SGCZ: variants seen among roughly 807,000 people sequenced by gnomAD.
The protein encoded by SGCZ is sarcoglycan zeta, also known as zeta-sarcoglycan.
A neutral mutation model predicts 41.3 loss-of-function variants in SGCZ; 40 were observed. That is an observed-to-expected ratio of 0.97 (90% CI 0.75 to 1.26). The LOEUF (loss-of-function observed/expected upper bound fraction) is 1.26. SGCZ is among the 50% of genes most tolerant of loss of function. The pLI is 0.00. For synonymous variants in SGCZ, 206 were observed against 137.5 expected, an observed-to-expected ratio of 1.50 and a Z score of -3.49; for missense variants, 552 against 369.8, an observed-to-expected ratio of 1.49 and a Z score of -4.04.
At chr8:14,369,500 G>A (rs986563479) in intron 2 of SGCZ, among the ~76,000 whole-genome samples, 4 of 151,956 alleles carry the variant, frequency 2.6e-5, no homozygotes, top group South Asian at 2.1e-4. Context: ...CATTAATGAG[G>A]TTAACTTTTT....
chr8:15,175,899 A>C (rs1413053864), intron 1 of SGCZ, among the ~76,000 whole-genome samples: 1 of 152,148 alleles, frequency 6.6e-6, no homozygotes, highest in Non-Finnish European at 1.5e-5. Flanking sequence ...TAGGAACAGA[A>C]AGCAGTCAAG....
chr8:14,333,778 G>C (rs1404039709), intron 2 of SGCZ, among the ~76,000 whole-genome samples: 2 of 151,998 alleles, frequency 1.3e-5, no homozygotes, highest in Non-Finnish European at 2.9e-5. Flanking sequence ...GGGAAATACA[G>C]GGATGAATTA....
chr8:14,778,132 T>A (rs1214656913), intron 1 of SGCZ, among the ~76,000 whole-genome samples: 1 of 152,060 alleles, frequency 6.6e-6, no homozygotes, highest in Non-Finnish European at 1.5e-5. Flanking sequence ...CTCAACTGAT[T>A]GTCCCGGCTA....
chr8:14,793,119 T>G (rs1034759673), intron 1 of SGCZ, among the ~76,000 whole-genome samples: 2 of 152,202 alleles, frequency 1.3e-5, no homozygotes, highest in Admixed American at 6.5e-5. Flanking sequence ...ACTCACACAG[T>G]CAGATATTTA....
intron 1 of SGCZ, among the ~76,000 whole-genome samples, chr8:14,933,305 CAGAG>C (rs1799973580): frequency 6.6e-6 from 1 of 151,810 alleles, no homozygotes; most frequent in Non-Finnish European, 1.5e-5. Flanking sequence ...TTCATGCAGA[CAGAG>C]AAAGAGGACC....
chr8:15,158,566 A>G (rs1014665682), intron 1 of SGCZ, among the ~76,000 whole-genome samples: 13 of 152,260 alleles, frequency 8.5e-5, no homozygotes, highest in Non-Finnish European at 1.3e-4. Context: ...CTACTGAAGC[A>G]TATTCAGAAT....
chr8:14,140,419 C>T (rs1216158841), intron 5 of SGCZ, among the ~76,000 whole-genome samples: 2 of 152,170 alleles, frequency 1.3e-5, no homozygotes, highest in African/African-American at 4.8e-5. Context: ...ATCTAGAAAA[C>T]CCCATCATCT....
intron 1 of SGCZ, among the ~76,000 whole-genome samples, chr8:15,208,894 C>CATATAT (rs149822249): frequency 0.17 from 24,522 of 145,992 alleles, 2,271 homozygotes; most frequent in Non-Finnish European, 0.22. Context: ...TATCCCTATA[C>CATATAT]ATATATATAG....
chr8:14,720,995 T>A (rs899295072), intron 1 of SGCZ, among the ~76,000 whole-genome samples: 3 of 151,348 alleles, frequency 2.0e-5, no homozygotes, highest in African/African-American at 7.2e-5. Flanking sequence ...CTTACTGACC[T>A]GTATCAGCAG....
intron 2 of SGCZ, among the ~76,000 whole-genome samples, chr8:14,543,587 A>C (rs2117157723): frequency 6.6e-6 from 1 of 152,246 alleles, no homozygotes; most frequent in Non-Finnish European, 1.5e-5. Context: ...CACTTAAGAT[A>C]AATTTCTCAA....
At chr8:15,121,900 C>CAAAAA (rs55783598) in intron 1 of SGCZ, among the ~76,000 whole-genome samples, 1 of 126,316 alleles carries the variant, frequency 7.9e-6, no homozygotes. Context: ...CGGCAGTTAC[C>CAAAAA]AAAAAAAAAA....
intron 1 of SGCZ, among the ~76,000 whole-genome samples, chr8:14,809,794 GA>G (rs1477175008): frequency 2.0e-5 from 3 of 152,022 alleles, no homozygotes; most frequent in African/African-American, 7.2e-5. Context: ...TAATACAACA[GA>G]AAAGTCAACA....
chr8:14,398,078 C>A (rs1798969303), intron 2 of SGCZ, among the ~76,000 whole-genome samples: 2 of 152,038 alleles, frequency 1.3e-5, no homozygotes, highest in South Asian at 4.1e-4. Context: ...CTCAAGGGAC[C>A]CTTTTTGTGA....
intron 4 of SGCZ, among the ~76,000 whole-genome samples, chr8:14,195,128 A>T (rs1456958320): frequency 6.6e-6 from 1 of 152,136 alleles, no homozygotes; most frequent in Non-Finnish European, 1.5e-5. Context: ...TAGCCAATTA[A>T]AAGTGACCCA....
chr8:15,084,844 A>G, intron 1 of SGCZ, among the ~76,000 whole-genome samples: 1 of 152,256 alleles, frequency 6.6e-6, no homozygotes, highest in African/African-American at 2.4e-5. Flanking sequence ...CATATATGTG[A>G]GTTTCACTTA....
intron 5 of SGCZ, among the ~76,000 whole-genome samples, chr8:14,142,095 C>T (rs1359429699): frequency 6.6e-6 from 1 of 152,148 alleles, no homozygotes; most frequent in Non-Finnish European, 1.5e-5. Flanking sequence ...CATGTTCTCA[C>T]TCATAGGTGG....
chr8:14,138,810 G>T (rs187987485), intron 5 of SGCZ, among the ~76,000 whole-genome samples: 28 of 152,062 alleles, frequency 1.8e-4, no homozygotes, highest in Non-Finnish European at 4.1e-4. Flanking sequence ...AGGATATCCC[G>T]GACTTGAACT....
chr8:14,705,783 T>G (rs1317341547), intron 1 of SGCZ, among the ~76,000 whole-genome samples: 5 of 152,036 alleles, frequency 3.3e-5, no homozygotes, highest in Non-Finnish European at 7.4e-5. Context: ...AATAATTAAT[T>G]CGGCATAAGG....
chr8:14,504,706 T>G (rs1321914230), intron 2 of SGCZ, among the ~76,000 whole-genome samples: 1 of 152,198 alleles, frequency 6.6e-6, no homozygotes, highest in Non-Finnish European at 1.5e-5. Flanking sequence ...AATAGATATC[T>G]GTTCAATTAA....
Sources: allele counts gnomAD v4.1 joint callset (sites outside exome capture counted in the v4.1 genomes callset), GRCh38; gene constraint gnomAD v4.1.1; transcripts MANE v1.5; gene names NCBI Gene and HGNC (gene_info 2026-07-23, HGNC 2026-07-21).